PPFIBP2: variants seen among roughly 807,000 people sequenced by gnomAD.
PPFIBP2 encodes the protein liprin-beta-2.
In PPFIBP2, 118 loss-of-function variants were observed where a neutral mutation model predicts 118.3. The ratio of observed to expected loss-of-function variants is 1.00; its 90% CI spans 0.86 to 1.16. The LOEUF is 1.16. Ranked by LOEUF, PPFIBP2 falls within the 50% of genes most tolerant of loss-of-function variation. The probability of loss-of-function intolerance (pLI) is 0.00; values close to 1 mark genes in which losing one functional copy is unlikely to be tolerated. For missense variants in PPFIBP2, 1,195 were observed against 1,073.1 expected, an observed-to-expected ratio of 1.11 and a Z score of -1.59; for synonymous variants, 414 against 397.4, an observed-to-expected ratio of 1.04 and a Z score of -0.50.
intron 22 of PPFIBP2, chr11:7,651,209 GGTTGCATGGAGACCA>G: frequency 2.4e-6 from 1 of 413,496 alleles, no homozygotes; most frequent in Non-Finnish European, 4.4e-6. Context: ...TAGGTCGATG[GGTTGCATGGAGACCA>G]ACGCTTACAA....
chr11:7,599,349 T>A (rs974767513), intron 5 of PPFIBP2, among the ~76,000 whole-genome samples: 1 of 152,144 alleles, frequency 6.6e-6, no homozygotes, highest in East Asian at 1.9e-4. Flanking sequence ...TGTCAGAAGG[T>A]TGATGTTTCA....
intron 2 of PPFIBP2, among the ~76,000 whole-genome samples, chr11:7,557,611 A>T (rs1853790813): frequency 1.3e-5 from 2 of 151,486 alleles, no homozygotes; most frequent in Admixed American, 6.6e-5. Context: ...CAGCCTCCTG[A>T]GTAATTGGGA....
At chr11:7,605,764 T>C (rs895019411) in intron 5 of PPFIBP2, 5 of 1,368,102 alleles carry the variant, frequency 3.7e-6, no homozygotes, top group Non-Finnish European at 4.7e-6. Flanking sequence ...AGTGAGCAAG[T>C]GGGACAGATG....
chr11:7,665,919 C>A, the PPFIBP2 span: 1 of 1,536,016 alleles, frequency 6.5e-7, no homozygotes, highest in South Asian at 1.2e-5. Flanking sequence ...AGTAGGGTAG[C>A]GCCCTCTGCC....
At chr11:7,623,528 C>A (rs1447952863) in intron 7 of PPFIBP2, among the ~76,000 whole-genome samples, 1 of 152,190 alleles carries the variant, frequency 6.6e-6, no homozygotes, top group African/African-American at 2.4e-5. Context: ...TGGAAATTGG[C>A]ACAAGGCAGG....
chr11:7,625,538 A>C (rs183082168), intron 7 of PPFIBP2, among the ~76,000 whole-genome samples: 8 of 152,342 alleles, frequency 5.3e-5, no homozygotes, highest in Admixed American at 4.6e-4. Context: ...AGGAAGATGC[A>C]GGGGAAGAAG....
intron 5 of PPFIBP2, among the ~76,000 whole-genome samples, chr11:7,606,715 T>C (rs1027754789): frequency 6.6e-6 from 1 of 152,052 alleles, no homozygotes; most frequent in South Asian, 2.1e-4. Context: ...ATTGTCTTCA[T>C]CAGCTGGAAC....
intron 6 of PPFIBP2, among the ~76,000 whole-genome samples, chr11:7,614,466 T>C (rs751698467): frequency 2.0e-5 from 3 of 152,382 alleles, no homozygotes; most frequent in Non-Finnish European, 2.9e-5. Flanking sequence ...CATATCTATG[T>C]CTGCATATTG....
chr11:7,602,109 A>G (rs1404721931), intron 5 of PPFIBP2, among the ~76,000 whole-genome samples: 2 of 151,122 alleles, frequency 1.3e-5, no homozygotes, highest in East Asian at 2.0e-4. Flanking sequence ...AAAAAAAAAA[A>G]AAGAAGAGTC....
chr11:7,544,380 G>T (rs1488162285), intron 1 of PPFIBP2, among the ~76,000 whole-genome samples: 1 of 152,120 alleles, frequency 6.6e-6, no homozygotes, highest in Non-Finnish European at 1.5e-5. Flanking sequence ...GGGCGGTTGG[G>T]TGCCCCTCGT....
chr11:7,651,141 C>A (rs79412095), intron 22 of PPFIBP2, 176 bp downstream of exon 22: 18,276 of 631,414 alleles, frequency 0.029, 1,408 homozygotes, highest in African/African-American at 0.21. Context: ...AATTAATATA[C>A]CTCATGGAAG....
At chr11:7,666,070 T>G in the PPFIBP2 span, 1 of 687,762 alleles carries the variant, frequency 1.5e-6, no homozygotes, top group Non-Finnish European at 2.6e-6. Flanking sequence ...CCAGGTGAGG[T>G]GGGCGGTAAG....
At chr11:7,581,919 C>A (rs929979017) in intron 3 of PPFIBP2, among the ~76,000 whole-genome samples, 2 of 152,074 alleles carry the variant, frequency 1.3e-5, no homozygotes, top group Non-Finnish European at 2.9e-5. Flanking sequence ...TCACTTCAAC[C>A]TCCTTCTCCT....
chr11:7,542,603 T>C (rs368544995), intron 1 of PPFIBP2, among the ~76,000 whole-genome samples: 16 of 152,330 alleles, frequency 1.1e-4, no homozygotes, highest in African/African-American at 3.6e-4. Flanking sequence ...TTTCCCCCCA[T>C]TTGTCATTAT....
chr11:7,582,798 G>C (rs1439527340), intron 3 of PPFIBP2, among the ~76,000 whole-genome samples: 1 of 151,368 alleles, frequency 6.6e-6, no homozygotes, highest in African/African-American at 2.4e-5. Context: ...CTGTATTTCA[G>C]CATCCTGTTT....
chr11:7,575,606 G>C (rs1421529422), intron 3 of PPFIBP2, among the ~76,000 whole-genome samples: 1 of 152,212 alleles, frequency 6.6e-6, no homozygotes. Flanking sequence ...TGGAGTCCCA[G>C]ATATACCTTT....
intron 1 of PPFIBP2, among the ~76,000 whole-genome samples, chr11:7,540,943 G>A (rs1239884841): frequency 1.3e-5 from 2 of 152,212 alleles, no homozygotes; most frequent in African/African-American, 4.8e-5. Flanking sequence ...TAGTGATAAG[G>A]CATCTGGTGA....
At chr11:7,590,181 T>C (rs1024043741) in intron 3 of PPFIBP2, among the ~76,000 whole-genome samples, 1 of 152,224 alleles carries the variant, frequency 6.6e-6, no homozygotes, top group East Asian at 1.9e-4. Context: ...TCCAAGTTTT[T>C]CTCCAGGCAG....
Position 7,633,091 on chromosome 11 carries a change from C to G in PPFIBP2, c.1136+157C>G, listed in dbSNP as rs536796747. On this transcript the variant is annotated intron_variant, in intron 12 of 23. Coordinates refer to ENST00000299492, the MANE Select transcript of PPFIBP2 (RefSeq NM_003621.5). ...TAGGGCAGTTACAAACCAGGCCTAC[C>G]TCTTTTGGCCACAGAAGGGCTTCTC... Among the ~76,000 whole-genome samples, 5 of 152,348 alleles carry G rather than the reference C, an allele frequency of 3.3e-5. No homozygotes were observed. The East Asian group carries it at 9.7e-4, about 29-fold the overall frequency.
Sources: gnomAD v4.1 joint callset for allele counts (sites outside exome capture counted in the v4.1 genomes callset) on GRCh38, gnomAD v4.1.1 for gene constraint, MANE v1.5 for transcripts, NCBI Gene and HGNC (gene_info 2026-07-23, HGNC 2026-07-21) for gene names.